The following B4GALNT3 variants were observed in gnomAD, a reference collection of about 807,000 sequenced individuals.
B4GALNT3 encodes beta-1,4-N-acetyl-galactosaminyltransferase 3.
Under a neutral mutation model 120.2 loss-of-function variants are expected in B4GALNT3, and 86 were observed. The observed-to-expected ratio is 0.72, with a 90% confidence interval of 0.60 to 0.86. The LOEUF is 0.86. B4GALNT3 is among the 40% of genes least tolerant of loss of function. The pLI, the probability that B4GALNT3 is intolerant of heterozygous loss-of-function variation, is 0.00. For synonymous variants in B4GALNT3, 518 were observed against 510.4 expected (o/e 1.01, Z -0.20); for missense variants, 1,167 against 1,298.9 (o/e 0.90, Z 1.56).
At chr12:537,636 A>C (rs943093342) in intron 3 of B4GALNT3, among the ~76,000 whole-genome samples, 3 of 152,234 alleles carry the variant, frequency 2.0e-5, no homozygotes. Context: ...TGAGTAAATA[A>C]ATCGTTATGT....
At chr12:552,597 G>A (rs1164029303) in intron 13 of B4GALNT3, 69 bp downstream of exon 13, 2 of 1,494,086 alleles carry the variant, frequency 1.3e-6, no homozygotes, top group Non-Finnish European at 9.2e-7. Flanking sequence ...TCCAGGGGAT[G>A]TTCAGACCGT....
chr12:499,714 C>A (rs773277193), intron 1 of B4GALNT3, among the ~76,000 whole-genome samples: 2 of 152,224 alleles, frequency 1.3e-5, no homozygotes, highest in Admixed American at 6.5e-5. Flanking sequence ...AGTCCTAGCC[C>A]GTGGTAGGCA....
intron 1 of B4GALNT3, among the ~76,000 whole-genome samples, chr12:527,067 A>G (rs1444809473): frequency 6.6e-6 from 1 of 152,048 alleles, no homozygotes; most frequent in Non-Finnish European, 1.5e-5. Context: ...GCGCACCACC[A>G]CGCCCAGCTA....
chr12:561,735 A>G lies in B4GALNT3; in HGVS notation c.*284A>G. 2.7e-6 allele frequency: 1 copy of G among 373,050 alleles called. No individual in the cohort carries two copies. Among genetic ancestry groups the G allele is most frequent in the Non-Finnish European group, 4.9e-6 (1 of 202,404 alleles). The allele number at this position is 373,050 out of a possible 1,614,324, so 23.1% of individuals were successfully genotyped here. A position where few individuals can be genotyped will look rare whatever the true frequency, so the allele number is the denominator to read the frequency against. Reference sequence around the variant, plus strand: ...GAGCTCCTGAGAAGGACGGGTCAGGAAGGAGAGATCTGACTGAGCGACACC... The same window carrying G: ...GAGCTCCTGAGAAGGACGGGTCAGGGAGGAGAGATCTGACTGAGCGACACC... On this transcript the variant is annotated 3_prime_UTR_variant, in exon 20 of 20. Transcript: ENST00000266383.
chr12:472,948 A>T (rs111578988), intron 1 of B4GALNT3, among the ~76,000 whole-genome samples: 5,914 of 149,980 alleles, frequency 0.039, 294 homozygotes, highest in African/African-American at 0.1. Flanking sequence ...TTTTTCATCC[A>T]CTGATTTGTA....
chr12:511,951 GACCTTCC>G (rs796313605), intron 1 of B4GALNT3, among the ~76,000 whole-genome samples: 4,016 of 54,800 alleles, frequency 0.073, 286 homozygotes, highest in Non-Finnish European at 0.095. Flanking sequence ...TTCCACCTTT[GACCTTCC>G]ACCTTCCACC....
Position 558,092 on chromosome 12 carries a change from A to G in B4GALNT3, c.2607+4A>G, listed in dbSNP as rs1311783371. On this transcript the variant is annotated splice_donor_region_variant and intron_variant, in intron 17 of 19. Transcript: ENST00000266383. Reference sequence around the variant, plus strand: ...GGCTGGCATAGACCTCGTGAAGGTAAAGGGCCTGGATGGGGCCTGCGAGAT... The same window carrying G: ...GGCTGGCATAGACCTCGTGAAGGTAGAGGGCCTGGATGGGGCCTGCGAGAT... The G allele has an allele frequency of 1.9e-6, 3 of 1,613,548 alleles. No homozygotes were observed. Among genetic ancestry groups the G allele is most frequent in the Non-Finnish European group, 2.5e-6 (3 of 1,179,880 alleles).
At chr12:544,646 G>A (rs1239907862) in intron 4 of B4GALNT3, among the ~76,000 whole-genome samples, 2 of 152,002 alleles carry the variant, frequency 1.3e-5, no homozygotes, top group African/African-American at 2.4e-5. Context: ...CAGGCTCTCT[G>A]GCTCACAATA....
intron 18 of B4GALNT3, 37 bp from the exon 19 acceptor site, chr12:559,258 C>G (rs758486496): frequency 6.8e-6 from 11 of 1,613,090 alleles, no homozygotes; most frequent in East Asian, 6.7e-5. Context: ...CTCCTGGCCT[C>G]TGGCTCATCT....
intron 1 of B4GALNT3, among the ~76,000 whole-genome samples, chr12:466,557 A>G (rs559000964): frequency 6.6e-6 from 1 of 152,372 alleles, no homozygotes; most frequent in African/African-American, 2.4e-5. Context: ...GTTAACCACT[A>G]TACAAAAATG....
chr12:462,805 C>T (rs78372847), intron 1 of B4GALNT3, among the ~76,000 whole-genome samples: 3,951 of 152,272 alleles, frequency 0.026, 99 homozygotes, highest in South Asian at 0.066. Flanking sequence ...CTCCTTGTCT[C>T]CCATCCTTTT....
chr12:552,008 A>G lies in B4GALNT3; in HGVS notation c.1108-55A>G, dbSNP rs1947088967. 6.5e-6 allele frequency: 9 copies of G among 1,388,888 alleles called. No homozygotes were observed. The Admixed American group carries it at 6.7e-5, about 10-fold the overall frequency. The allele number at this position is 1,388,888 out of a possible 1,614,324, so 86.0% of individuals were successfully genotyped here. A position where few individuals can be genotyped will look rare whatever the true frequency, so the allele number is the denominator to read the frequency against. On this transcript the variant is annotated intron_variant, in intron 11 of 19. Coordinates refer to ENST00000266383, the MANE Select transcript of B4GALNT3 (RefSeq NM_173593.4). ...GGGCAGGCTTAACCCTGGCTGGCTGATTTCTTACCAAGATCTCACTCTCTT... is the reference window on the plus strand; with the variant it reads ...GGGCAGGCTTAACCCTGGCTGGCTGGTTTCTTACCAAGATCTCACTCTCTT...
rs77758483 is a variant in B4GALNT3 at position 514,076 on chromosome 12, C to T, written c.170-21090C>T. On this transcript the variant is annotated intron_variant, in intron 1 of 19. Transcript: ENST00000266383. Reference sequence around the variant, plus strand: ...AGAACTGCTGGGTCAAATAGTAACTCCATGTTTTGAGGGACTGTCAGATTT... The same window carrying T: ...AGAACTGCTGGGTCAAATAGTAACTTCATGTTTTGAGGGACTGTCAGATTT... Among the ~76,000 whole-genome samples, 666 of 152,294 alleles carry T rather than the reference C, an allele frequency of 4.4e-3. 6 individuals are homozygous for T. The highest frequency in any genetic ancestry group is 7.3e-3 in the Non-Finnish European group (496 of 68,030).
intron 7 of B4GALNT3, among the ~76,000 whole-genome samples, chr12:547,357 A>G (rs1947021238): frequency 6.6e-6 from 1 of 152,250 alleles, no homozygotes; most frequent in African/African-American, 2.4e-5. Flanking sequence ...TTCCCAAAAC[A>G]TAGAATGCCA....
rs1433556251 is a variant in B4GALNT3, at chr12:539,535, A to T, written c.351+3240A>T. 2.5e-4 allele frequency among the ~76,000 whole-genome samples: 27 copies of T among 106,582 alleles called. No individual in the cohort carries two copies. In the East Asian group the frequency reaches 5.5e-3, roughly 22 times the overall value. 69.9% of individuals were successfully genotyped at this position (106,582 alleles called of 152,430 possible). A position where few individuals can be genotyped will look rare whatever the true frequency, so the allele number is the denominator to read the frequency against. ...CCTTCCTGTTCTCAGCCTTTCCTTT[A>T]AAAAAAAAAAAAAAAAGAAAGAAAC... is the stretch of plus-strand genomic sequence containing the variant. On this transcript the variant is annotated intron_variant, in intron 3 of 19. Transcript: ENST00000266383.
intron 1 of B4GALNT3, among the ~76,000 whole-genome samples, chr12:500,298 G>A (rs756569995): frequency 6.4e-4 from 97 of 152,236 alleles, no homozygotes; most frequent in Non-Finnish European, 3.8e-4. Flanking sequence ...CATGAGCCAC[G>A]CCCAGCCAGA....
rs576697190 is a variant in B4GALNT3 at position 483,745 on chromosome 12, C to T, written c.169+23200C>T. On this transcript the variant is annotated intron_variant, in intron 1 of 19. Coordinates refer to ENST00000266383, the MANE Select transcript of B4GALNT3 (RefSeq NM_173593.4). ...TATGTGCACGTGGCACATGTGATCT[C>T]ATTTAATCCTCACAACGGACACTTT... Among the ~76,000 whole-genome samples, 10 of 152,226 alleles carry T rather than the reference C, an allele frequency of 6.6e-5. No homozygotes were observed. The South Asian group carries it at 2.1e-3, about 32-fold the overall frequency.
rs1946856698 is a variant in B4GALNT3 at position 536,147 on chromosome 12, GTGCCTCCTGTCC to G, written c.274-66_274-55del. ...CCGACGCCTCCTGGGAGCAGGCACT[GTGCCTCCTGTCC>G]TGCCCGTAGCTTCTCATCCTAATAT... On this transcript the variant is annotated intron_variant, in intron 2 of 19. Transcript: ENST00000266383. 3.0e-6 allele frequency: 4 copies of G among 1,330,406 alleles called. No individual in the cohort carries two copies. In the African/African-American group the frequency reaches 5.8e-5, roughly 19 times the overall value. The allele number at this position is 1,330,406 out of a possible 1,614,324, so 82.4% of individuals were successfully genotyped here.
intron 1 of B4GALNT3, among the ~76,000 whole-genome samples, chr12:532,615 AG>A (rs1311141628): frequency 1.3e-5 from 2 of 151,978 alleles, no homozygotes; most frequent in East Asian, 3.9e-4. Context: ...GCTAAAGGCA[AG>A]GGTGGGAGAT....
Sources: allele counts gnomAD v4.1 joint callset (sites outside exome capture counted in the v4.1 genomes callset), GRCh38; gene constraint gnomAD v4.1.1; transcripts MANE v1.5; gene names NCBI Gene and HGNC (gene_info 2026-07-23, HGNC 2026-07-21).